SRPK2: variants seen among roughly 807,000 people sequenced by gnomAD.
SRPK2 encodes the protein SRSF protein kinase 2.
In SRPK2, 21 loss-of-function variants were observed where a neutral mutation model predicts 90.8. That is an observed-to-expected ratio of 0.23 (90% CI 0.16 to 0.33). The LOEUF (loss-of-function observed/expected upper bound fraction) is 0.33, where lower values mean the gene tolerates loss of function less well. Ranked by LOEUF, SRPK2 falls within the 10% of genes least tolerant of loss-of-function variation. The probability of loss-of-function intolerance (pLI) is 1.00; values close to 1 mark genes in which losing one functional copy is unlikely to be tolerated. For missense variants in SRPK2, 620 were observed against 869.0 expected (o/e 0.71, Z 3.60); for synonymous variants, 288 against 311.1 (o/e 0.93, Z 0.78).
chr7:105,269,906 A>G (rs1419623693), intron 2 of SRPK2, among the ~76,000 whole-genome samples: 2 of 152,246 alleles, frequency 1.3e-5, no homozygotes, highest in Non-Finnish European at 2.9e-5. Flanking sequence ...AAGTTCACAT[A>G]CTAAAAAATA....
At chr7:105,374,224 G>A (rs1200990266) in intron 2 of SRPK2, among the ~76,000 whole-genome samples, 1 of 152,192 alleles carries the variant, frequency 6.6e-6, no homozygotes, top group Admixed American at 6.6e-5. Flanking sequence ...ACCGCGCCCA[G>A]CCAGTTTCTG....
intron 2 of SRPK2, among the ~76,000 whole-genome samples, chr7:105,228,805 T>C (rs1799052886): frequency 6.6e-6 from 1 of 152,190 alleles, no homozygotes; most frequent in African/African-American, 2.4e-5. Flanking sequence ...CGAGAGCTTG[T>C]TCCCGTGTTG....
intron 2 of SRPK2, among the ~76,000 whole-genome samples, chr7:105,353,124 A>G (rs1200109958): frequency 6.6e-6 from 1 of 152,166 alleles, no homozygotes; most frequent in East Asian, 1.9e-4. Flanking sequence ...AGTAATTGCT[A>G]AGGAACTCCC....
intron 2 of SRPK2, among the ~76,000 whole-genome samples, chr7:105,285,826 G>A (rs1049503841): frequency 1.6e-4 from 25 of 152,268 alleles, no homozygotes; most frequent in Non-Finnish European, 2.6e-4. Flanking sequence ...TGTAAAGCCT[G>A]CAGAACCGCG....
chr7:105,167,874 G>C (rs989373114), intron 5 of SRPK2, 134 bp downstream of exon 5: 38 of 692,008 alleles, frequency 5.5e-5, no homozygotes, highest in Non-Finnish European at 7.7e-5. Context: ...GCCTCCCAAA[G>C]TGCTGAGATT....
chr7:105,294,012 C>G (rs1290333335), intron 2 of SRPK2, among the ~76,000 whole-genome samples: 1 of 152,146 alleles, frequency 6.6e-6, no homozygotes, highest in Non-Finnish European at 1.5e-5. Flanking sequence ...TCAGGGGGCA[C>G]ACCTAATCCA....
chr7:105,331,894 C>G (rs1216077913), intron 2 of SRPK2, among the ~76,000 whole-genome samples: 2 of 152,146 alleles, frequency 1.3e-5, no homozygotes, highest in Admixed American at 1.3e-4. Flanking sequence ...CACAGTGGCT[C>G]AGGCCTATAA....
intron 11 of SRPK2, among the ~76,000 whole-genome samples, chr7:105,139,954 T>C (rs187304910): frequency 2.0e-4 from 31 of 152,032 alleles, no homozygotes; most frequent in South Asian, 1.0e-3. Flanking sequence ...GATACCAAAA[T>C]CCACAGATGC....
In SRPK2 at chr7:105,324,170, A is replaced by G. The variant is rs563337828; in HGVS notation, c.71+64478T>C. On this transcript the variant is annotated intron_variant, in intron 2 of 15. Coordinates refer to ENST00000393651, the MANE Select transcript of SRPK2 (RefSeq NM_182692.3). ...CACCACCATGCCCGGGTAATTATAT[A>G]TATTTTTTTTGTATTTTTAGTAGAG... Among the ~76,000 whole-genome samples, 340 of 151,082 alleles carry G rather than the reference A, an allele frequency of 2.3e-3. 2 individuals carry two copies. The highest frequency in any genetic ancestry group is 3.1e-3 in the Non-Finnish European group (213 of 67,752).
intron 3 of SRPK2, among the ~76,000 whole-genome samples, chr7:105,177,499 T>C (rs527415114): frequency 3.9e-5 from 6 of 152,330 alleles, no homozygotes; most frequent in African/African-American, 1.4e-4. Context: ...GTAAATGTCA[T>C]TTAAAAACCA....
intron 2 of SRPK2, among the ~76,000 whole-genome samples, chr7:105,376,829 C>T (rs6959826): frequency 0.19 from 22,158 of 118,242 alleles, 2,377 homozygotes; most frequent in Admixed American, 0.26. Context: ...TGAGCCACCA[C>T]GCCCGCCCCC....
intron 2 of SRPK2, among the ~76,000 whole-genome samples, chr7:105,264,210 T>A (rs188192070): frequency 4.6e-4 from 70 of 152,338 alleles, no homozygotes; most frequent in African/African-American, 1.7e-3. Flanking sequence ...CTTCATCTGG[T>A]ACCTTCCTCA....
chr7:105,334,350 T>C (rs1814802989), intron 2 of SRPK2, among the ~76,000 whole-genome samples: 1 of 152,176 alleles, frequency 6.6e-6, no homozygotes, highest in African/African-American at 2.4e-5. Context: ...AGTGCTGGGA[T>C]TACAGGCGTG....
chr7:105,345,312 T>C (rs762373181), intron 2 of SRPK2, among the ~76,000 whole-genome samples: 1 of 152,152 alleles, frequency 6.6e-6, no homozygotes, highest in Non-Finnish European at 1.5e-5. Context: ...CAGTAACAAC[T>C]GTTCTATTGA....
intron 3 of SRPK2, among the ~76,000 whole-genome samples, chr7:105,176,569 G>C: frequency 7.7e-6 from 1 of 130,330 alleles, no homozygotes; most frequent in African/African-American, 2.8e-5. Context: ...GTGTGTGTGT[G>C]TGTGTGTGTG....
intron 2 of SRPK2, among the ~76,000 whole-genome samples, chr7:105,313,615 G>A (rs907058748): frequency 6.6e-6 from 1 of 151,986 alleles, no homozygotes; most frequent in African/African-American, 2.4e-5. Context: ...GCCAGGTGTG[G>A]CGTCGTGGAC....
intron 2 of SRPK2, among the ~76,000 whole-genome samples, chr7:105,276,560 A>T (rs1446426319): frequency 2.0e-5 from 3 of 150,808 alleles, no homozygotes; most frequent in Non-Finnish European, 4.4e-5. Context: ...CAACATAGTG[A>T]GACTTCATCT....
At chr7:105,164,023 G>C (rs1431056990) in intron 6 of SRPK2, among the ~76,000 whole-genome samples, 1 of 152,164 alleles carries the variant, frequency 6.6e-6, no homozygotes, top group African/African-American at 2.4e-5. Context: ...AGGTACGATC[G>C]AGATCCTGAG....
chr7:105,137,179 T>A (rs1442538071), intron 11 of SRPK2, among the ~76,000 whole-genome samples: 1 of 152,140 alleles, frequency 6.6e-6, no homozygotes, highest in Non-Finnish European at 1.5e-5. Flanking sequence ...GAAACAGGCT[T>A]GCAACTTTGA....
Sources: allele counts gnomAD v4.1 joint callset (sites outside exome capture counted in the v4.1 genomes callset), GRCh38; gene constraint gnomAD v4.1.1; transcripts MANE v1.5; gene names NCBI Gene and HGNC (gene_info 2026-07-23, HGNC 2026-07-21).